The following LRBA variants were observed in gnomAD, a reference collection of about 807,000 sequenced individuals.
LRBA encodes the protein LPS responsive beige-like anchor protein.
A neutral mutation model predicts 330.0 loss-of-function variants in LRBA; 176 were observed. That is an observed-to-expected ratio of 0.53 (90% CI 0.47 to 0.60). LRBA has a LOEUF of 0.60. LRBA is among the 20% of genes least tolerant of loss of function. LRBA has a pLI of 0.00. For synonymous variants in LRBA, 1,230 were observed against 1,193.0 expected (o/e 1.03, Z -0.64); for missense variants, 3,259 against 3,444.8 (o/e 0.95, Z 1.35).
chr4:150,875,510 T>C (rs1216409532), intron 17 of LRBA, among the ~76,000 whole-genome samples: 1 of 152,168 alleles, frequency 6.6e-6, no homozygotes, highest in African/African-American at 2.4e-5. Flanking sequence ...GTCAAGTATA[T>C]ACCCAGCCAC....
rs141301870 is a variant in LRBA, at chr4:150,834,124, T to C, written c.4570-2148A>G. ...ACCACATCAGCAGTGACTTCCTCCA[T>C]GGAAATCATGAACTCCTAAAAGTCA... On this transcript the variant is annotated intron_variant, in intron 28 of 56. Transcript: ENST00000651943. Among the ~76,000 whole-genome samples, 1,167 of 152,308 alleles carry C rather than the reference T, an allele frequency of 7.7e-3. 13 individuals carry two copies. Among genetic ancestry groups the C allele is most frequent in the African/African-American group, 0.027 (1,112 of 41,572 alleles).
At chr4:151,015,293 G>A (rs934997662), upstream of LRBA, 5 of 152,796 alleles carry the variant, frequency 3.3e-5, no homozygotes, top group South Asian at 8.3e-4. Flanking sequence ...GCGGGGGAAG[G>A]GGGCGGTGAT....
chr4:150,605,239 G>T (rs1006137147), intron 37 of LRBA, among the ~76,000 whole-genome samples: 2 of 152,268 alleles, frequency 1.3e-5, no homozygotes, highest in African/African-American at 2.4e-5. Flanking sequence ...TGAGTCAAAT[G>T]TATTCATGTC....
At chr4:150,521,716 T>C (rs1232185157) in intron 40 of LRBA, among the ~76,000 whole-genome samples, 1 of 152,244 alleles carries the variant, frequency 6.6e-6, no homozygotes, top group Non-Finnish European at 1.5e-5. Flanking sequence ...ATACAATCTC[T>C]GTTATTTAAA....
intron 35 of LRBA, among the ~76,000 whole-genome samples, chr4:150,748,778 G>C (rs951322271): frequency 6.6e-6 from 1 of 152,058 alleles, no homozygotes; most frequent in Non-Finnish European, 1.5e-5. Context: ...ATAGTATTAA[G>C]AGGTGAGGCC....
intron 16 of LRBA, among the ~76,000 whole-genome samples, chr4:150,895,473 C>G (rs1729961932): frequency 1.3e-5 from 2 of 152,050 alleles, no homozygotes. Flanking sequence ...GTGATGTTCC[C>G]CTTCCTGTGT....
At chr4:150,850,228 G>A (rs1750448375) in intron 24 of LRBA, among the ~76,000 whole-genome samples, 1 of 151,604 alleles carries the variant, frequency 6.6e-6, no homozygotes. Flanking sequence ...TGAGTAGCTG[G>A]GACTACAGAC....
intron 47 of LRBA, among the ~76,000 whole-genome samples, chr4:150,380,970 G>A (rs1217318303): frequency 9.9e-5 from 10 of 100,622 alleles, no homozygotes; most frequent in East Asian, 5.9e-4. Context: ...CAACAAGAGC[G>A]AAACTCCATC....
rs1466489090 is a variant in LRBA at position 150,505,277 on chromosome 4, T to G, written c.6331-14242A>C. 2.0e-5 allele frequency among the ~76,000 whole-genome samples: 3 copies of G among 152,034 alleles called. No homozygotes were observed. The East Asian group carries it at 5.8e-4, about 29-fold the overall frequency. ...CCACCCCAAATCAACAGAATATACA[T>G]TTTTTTTCAGCACCACACCACACCT... is the stretch of plus-strand genomic sequence containing the variant. On this transcript the variant is annotated intron_variant, in intron 40 of 56. Transcript: ENST00000651943.
chr4:150,935,010 GA>G (rs35609336), intron 2 of LRBA, among the ~76,000 whole-genome samples: 32 of 131,358 alleles, frequency 2.4e-4, no homozygotes, highest in Admixed American at 7.1e-4. Context: ...CTCCATCTCA[GA>G]AAAAAAAAAA....
chr4:150,954,594 C>A (rs1392902460), intron 2 of LRBA, among the ~76,000 whole-genome samples: 1 of 149,926 alleles, frequency 6.7e-6, no homozygotes, highest in African/African-American at 2.5e-5. Context: ...CATCACCACT[C>A]CCTAATCTCA....
chr4:150,913,190 A>T (rs1405416122), intron 9 of LRBA, among the ~76,000 whole-genome samples: 1 of 152,220 alleles, frequency 6.6e-6, no homozygotes, highest in African/African-American at 2.4e-5. Flanking sequence ...AATGCAGGTC[A>T]GGTGCAGTGG....
chr4:150,457,477 TA>T (rs909455684), intron 44 of LRBA, among the ~76,000 whole-genome samples: 7 of 151,916 alleles, frequency 4.6e-5, no homozygotes, highest in Non-Finnish European at 8.8e-5. Flanking sequence ...AATTTGAACA[TA>T]AGAATAAAAT....
chr4:150,933,593 G>A (rs867458208), intron 2 of LRBA, among the ~76,000 whole-genome samples: 2 of 151,980 alleles, frequency 1.3e-5, no homozygotes, highest in African/African-American at 2.4e-5. Flanking sequence ...ACTAAATATC[G>A]ATTGTCTCTG....
intron 35 of LRBA, among the ~76,000 whole-genome samples, chr4:150,747,851 CAT>C (rs1732965543): frequency 6.6e-6 from 1 of 152,164 alleles, no homozygotes; most frequent in Non-Finnish European, 1.5e-5. Context: ...ATCTCACCTA[CAT>C]AGTACTAATT....
intron 17 of LRBA, among the ~76,000 whole-genome samples, chr4:150,881,235 A>G (rs1405059418): frequency 1.3e-5 from 2 of 152,206 alleles, no homozygotes; most frequent in Non-Finnish European, 2.9e-5. Flanking sequence ...TTACAGCACT[A>G]ATCACAACAG....
rs572133011 is a variant in LRBA at position 150,690,421 on chromosome 4, T to C, written c.5755-6704A>G. Among the ~76,000 whole-genome samples the C allele has an allele frequency of 1.7e-4, 25 of 151,484 alleles. No homozygotes were observed. The East Asian group carries it at 2.3e-3, about 14-fold the overall frequency. On this transcript the variant is annotated intron_variant, in intron 36 of 56. Coordinates refer to ENST00000651943, the MANE Select transcript of LRBA (RefSeq NM_001364905.1). ...AGGAGGCTGAGGCAGGAGAAACGTT[T>C]GAACCAGGGAGTTGGAGGTTGCAGT...
At chr4:150,966,311 C>CTT (rs1178356221) in intron 2 of LRBA, among the ~76,000 whole-genome samples, 1 of 142,278 alleles carries the variant, frequency 7.0e-6, no homozygotes, top group Non-Finnish European at 1.5e-5. Flanking sequence ...CTAGTTCATT[C>CTT]TTTTTTTTTT....
chr4:150,868,240 G>A lies in LRBA; in HGVS notation c.2515C>T (p.Arg839Cys), dbSNP rs150283145. The part of the protein sequence containing the change: ...SPQCPESMEV[R>C]RAFLSDMIKL... ...ATCATGTCAGAAAGAAAGGCTCTGC[G>A]AACCTCCATGCTCTCTGGGCACTGG... The change falls in exon 21 of 57, where the codon CGC becomes TGC. Residue 839 changes from arginine to cysteine, a missense_variant. By Grantham distance (180) the Arg-to-Cys change is radical. Coordinates refer to ENST00000651943, the MANE Select transcript of LRBA (RefSeq NM_001364905.1). 1.4e-5 allele frequency: 23 copies of A among 1,612,392 alleles called. No individual in the cohort carries two copies. The South Asian group carries it at 1.6e-4, about 12-fold the overall frequency.
Sources: allele counts gnomAD v4.1 joint callset (sites outside exome capture counted in the v4.1 genomes callset), GRCh38; gene constraint gnomAD v4.1.1; transcripts MANE v1.5; gene names NCBI Gene and HGNC (gene_info 2026-07-23, HGNC 2026-07-21).